Variants in GAN observed in about 807,000 individuals in gnomAD.
GAN encodes the protein epididymis secretory sperm binding protein.
Under a neutral mutation model 71.3 loss-of-function variants are expected in GAN, and 48 were observed. The observed-to-expected ratio is 0.67, with a 90% CI of 0.53 to 0.86. GAN has a LOEUF of 0.86. GAN is among the 40% of genes least tolerant of loss of function. The pLI is 0.00. For missense variants in GAN, 928 were observed against 770.1 expected (o/e 1.21, Z -2.43); for synonymous variants, 386 against 276.8 (o/e 1.39, Z -3.92).
At chr16:81,332,425 A>G (rs1361400527) in intron 1 of GAN, among the ~76,000 whole-genome samples, 1 of 152,190 alleles carries the variant, frequency 6.6e-6, no homozygotes, top group African/African-American at 2.4e-5. Context: ...GGGTATGACT[A>G]GAATGACCCA....
chr16:81,348,583 C>G lies in GAN; in HGVS notation c.168-3000C>G, dbSNP rs188012139. Among the ~76,000 whole-genome samples the G allele has an allele frequency of 7.9e-5, 12 of 152,326 alleles. 1 individual carries two copies. The highest frequency in any genetic ancestry group is 2.9e-4 in the African/African-American group (12 of 41,568). ...CTTCAGAGTAGCTGAGCAGCATCTC[C>G]AAATGCTGGGGGCCCTGTCCAGCCA... On this transcript the variant is annotated intron_variant, in intron 1 of 10. Transcript: ENST00000648994.
chr16:81,356,196 TA>T (rs2150686553), intron 3 of GAN, among the ~76,000 whole-genome samples: 1 of 152,252 alleles, frequency 6.6e-6, no homozygotes, highest in African/African-American at 2.4e-5. Context: ...TTTACATTTA[TA>T]AAATACTTTC....
rs2150701603 is a variant in GAN at position 81,382,083 on chromosome 16, C to G, written c.*4487C>G. The G allele has an allele frequency of 1.3e-5, 2 of 152,232 alleles. No individual in the cohort carries two copies. Among genetic ancestry groups the G allele is most frequent in the Middle Eastern group, 6.8e-3 (2 of 294 alleles). 9.4% of individuals were successfully genotyped at this position (152,232 alleles called of 1,614,324 possible). On this transcript the variant is annotated 3_prime_UTR_variant, in exon 11 of 11. Coordinates refer to ENST00000648994, the MANE Select transcript of GAN (RefSeq NM_022041.4). ...CTGCTTTTTATATGGGTGTCAAAAT[C>G]TTTCCAGGACATACCCCTTTGATCC...
rs749211847 is a variant in GAN, at chr16:81,354,428, C to A, written c.306C>A (p.Ile102=). ...SGQIRLNEDT[I]QDVVQAADLL... is the part of the protein sequence containing the mutation. ...AGATCAGGCTAAATGAAGATACAAT[C>A]CAAGATGTTGTTCAGGCAGCTGACC... Residue 102 remains isoleucine, a synonymous_variant, in exon 3 of 11, where the codon ATC becomes ATA. Coordinates refer to ENST00000648994, the MANE Select transcript of GAN (RefSeq NM_022041.4). The A allele has an allele frequency of 6.2e-7, 1 of 1,611,596 alleles. No individual in the cohort carries two copies. Among genetic ancestry groups the A allele is most frequent in the Non-Finnish European group, 8.5e-7 (1 of 1,177,724 alleles).
chr16:81,319,202 T>C (rs927692602), intron 1 of GAN, among the ~76,000 whole-genome samples: 5 of 57,144 alleles, frequency 8.7e-5, no homozygotes, highest in African/African-American at 3.6e-4. Context: ...AAAATAGATA[T>C]AGATTATATA....
chr16:81,341,311 T>A lies in GAN; in HGVS notation c.168-10272T>A, dbSNP rs28763301. Among the ~76,000 whole-genome samples, 538 of 152,022 alleles carry A rather than the reference T, an allele frequency of 3.5e-3. 1 individual carries two copies. Among genetic ancestry groups the A allele is most frequent in the African/African-American group, 0.012 (509 of 41,438 alleles). ...ACAGAGAATGCCACAAAGATACTCC[T>A]CGAGAAGAGCAACCCCAAGACACAT... On this transcript the variant is annotated intron_variant, in intron 1 of 10. Transcript: ENST00000648994.
chr16:81,322,222 G>A lies in GAN; in HGVS notation c.167+6942G>A, dbSNP rs563240617. 2.6e-5 allele frequency among the ~76,000 whole-genome samples: 4 copies of A among 152,272 alleles called. No homozygotes were observed. In the East Asian group the frequency reaches 5.8e-4, roughly 22 times the overall value. On this transcript the variant is annotated intron_variant, in intron 1 of 10. Coordinates refer to ENST00000648994, the MANE Select transcript of GAN (RefSeq NM_022041.4). ...TTTGCCATTTGCTATTATAGTGAAGGGATTTGGACTTTTCCTCTGTTCAAA... is the reference window on the plus strand; with the variant it reads ...TTTGCCATTTGCTATTATAGTGAAGAGATTTGGACTTTTCCTCTGTTCAAA...
At chr16:81,359,091 C>A (rs1260848438) in intron 5 of GAN, among the ~76,000 whole-genome samples, 1 of 151,970 alleles carries the variant, frequency 6.6e-6, no homozygotes, top group Non-Finnish European at 1.5e-5. Flanking sequence ...TTTATGAGTC[C>A]CAAAATTATT....
chr16:81,374,094 G>C (rs534925676), intron 9 of GAN, among the ~76,000 whole-genome samples: 1 of 152,272 alleles, frequency 6.6e-6, no homozygotes, highest in East Asian at 1.9e-4. Context: ...GAAGGTTATT[G>C]GTTCGTTATT....
chr16:81,380,210 T>C lies in GAN; in HGVS notation c.*2614T>C, dbSNP rs916607277. The C allele has an allele frequency of 6.5e-6, 1 of 152,676 alleles. No homozygotes were observed. The highest frequency in any genetic ancestry group is 1.5e-5 in the Non-Finnish European group (1 of 68,032). 9.5% of individuals were successfully genotyped at this position (152,676 alleles called of 1,614,324 possible). On this transcript the variant is annotated 3_prime_UTR_variant, in exon 11 of 11. Transcript: ENST00000648994. ...GGTTTGTGTTTTAACATTCCACTTA[T>C]GCCTTGAAACATCATTTCTTGATAA...
chr16:81,362,619 A>G lies in GAN; in HGVS notation c.1086+8A>G, dbSNP rs766772301. ...TTGCCACCTATGAACGAGGTAAAAC[A>G]CTAGTTGGTTGGTTTGTTTGATGTG... is the stretch of plus-strand genomic sequence containing the variant. On this transcript the variant is annotated splice_region_variant and intron_variant, in intron 6 of 10. Transcript: ENST00000648994. The G allele has an allele frequency of 2.2e-6, 3 of 1,334,164 alleles. No individual in the cohort carries two copies. The highest frequency in any genetic ancestry group is 3.2e-6 in the Non-Finnish European group (3 of 924,044). 82.6% of individuals were successfully genotyped at this position (1,334,164 alleles called of 1,614,324 possible). A position where few individuals can be genotyped will look rare whatever the true frequency, so the allele number is the denominator to read the frequency against.
intron 1 of GAN, among the ~76,000 whole-genome samples, chr16:81,324,149 C>A (rs1280062569): frequency 6.6e-6 from 1 of 152,216 alleles, no homozygotes; most frequent in East Asian, 1.9e-4. Flanking sequence ...TATAGTGTTA[C>A]CCCAATTAAT....
At chr16:81,345,421 A>G (rs1207281924) in intron 1 of GAN, among the ~76,000 whole-genome samples, 1 of 152,214 alleles carries the variant, frequency 6.6e-6, no homozygotes, top group East Asian at 1.9e-4. Flanking sequence ...CAGCCATAAA[A>G]AAGGATGAGT....
At position 81,356,803 on chromosome 16, in the gene GAN, A is replaced by G. The variant is rs1162490245; in HGVS notation, c.652A>G (p.Met218Val). ...TCTGCAGGTCCACATGAAGGATGTT[A>G]TGTCAGCTCTGTGGGTTTCAGGGTT... ...EIRKVHMKDV[M>V]SALWVSGLDS... Residue 218 changes from methionine (M) to valine (V), a missense_variant, in exon 4 of 11, where the codon ATG becomes GTG. By Grantham distance (21) the Met-to-Val change is conservative (BLOSUM62 1). Coordinates refer to ENST00000648994, the MANE Select transcript of GAN (RefSeq NM_022041.4). The G allele has an allele frequency of 6.2e-7, 1 of 1,612,472 alleles. No individual in the cohort carries two copies. The highest frequency in any genetic ancestry group is 1.1e-5 in the South Asian group (1 of 91,054).
chr16:81,388,934 A>G lies in GAN; in HGVS notation c.*11338A>G, dbSNP rs1367440448. 1 of 152,232 alleles carries G rather than the reference A, an allele frequency of 6.6e-6. No homozygotes were observed. The highest frequency in any genetic ancestry group is 1.9e-4 in the East Asian group (1 of 5,198). 9.4% of individuals were successfully genotyped at this position (152,232 alleles called of 1,614,324 possible). ...AACTCCAAAAAATAAATTTATTGTT[A>G]GTCTAGCATATGCTCATTGAAATTG... On this transcript the variant is annotated 3_prime_UTR_variant, in exon 11 of 11. Coordinates refer to ENST00000648994, the MANE Select transcript of GAN (RefSeq NM_022041.4).
In GAN at chr16:81,316,660, A is replaced by G. The variant is rs150382970; in HGVS notation, c.167+1380A>G. Among the ~76,000 whole-genome samples the G allele has an allele frequency of 6.1e-3, 926 of 152,304 alleles. 6 individuals are homozygous for G. The highest frequency in any genetic ancestry group is 0.021 in the African/African-American group (884 of 41,546). On this transcript the variant is annotated intron_variant, in intron 1 of 10. Coordinates refer to ENST00000648994, the MANE Select transcript of GAN (RefSeq NM_022041.4). The stretch of plus-strand genomic sequence containing the variant: ...GTTTGGGAAAATGCTGAAGAAAACT[A>G]CTTTAGATGCATTATTGTTATAGTT...
intron 9 of GAN, among the ~76,000 whole-genome samples, chr16:81,376,517 GTGTGTATACATA>G: frequency 7.0e-6 from 1 of 143,182 alleles, no homozygotes; most frequent in African/African-American, 2.7e-5. Flanking sequence ...GTGTATGTGT[GTGTGTATACATA>G]TATGTGTATA....
At chr16:81,351,033 A>G (rs1910283423) in intron 1 of GAN, among the ~76,000 whole-genome samples, 1 of 152,238 alleles carries the variant, frequency 6.6e-6, no homozygotes, top group Non-Finnish European at 1.5e-5. Flanking sequence ...ATGGATGACT[A>G]ATTATAAAAC....
intron 1 of GAN, among the ~76,000 whole-genome samples, chr16:81,333,941 C>A (rs1322410495): frequency 6.6e-6 from 1 of 152,202 alleles, no homozygotes; most frequent in East Asian, 1.9e-4. Context: ...TTCATGTCCC[C>A]CAAACACATG....
Sources: gnomAD v4.1 joint callset for allele counts (sites outside exome capture counted in the v4.1 genomes callset) on GRCh38, gnomAD v4.1.1 for gene constraint, MANE v1.5 for transcripts, NCBI Gene and HGNC (gene_info 2026-07-23, HGNC 2026-07-21) for gene names.